SYN2: variants seen among roughly 807,000 people sequenced by gnomAD.
SYN2 encodes synapsin II.
SYN2 carries 19 observed loss-of-function variants against 50.9 expected under a neutral mutation model. That is an observed-to-expected ratio of 0.37 (90% confidence interval 0.26 to 0.55). The LOEUF (loss-of-function observed/expected upper bound fraction) is 0.55, where lower values mean the gene tolerates loss of function less well. SYN2 is among the 20% of genes least tolerant of loss of function. The pLI is 0.81. For synonymous variants in SYN2, 255 were observed against 224.9 expected, an observed-to-expected ratio of 1.13 and a Z score of -1.20; for missense variants, 587 against 576.4, an observed-to-expected ratio of 1.02 and a Z score of -0.19.
chr3:12,084,782 T>G (rs929089651), intron 1 of SYN2, among the ~76,000 whole-genome samples: 3 of 152,182 alleles, frequency 2.0e-5, no homozygotes, highest in African/African-American at 7.2e-5. Context: ...AGTAAAAGTT[T>G]AGAGTTTGTG....
intron 1 of SYN2, among the ~76,000 whole-genome samples, chr3:12,093,964 C>T (rs768128919): frequency 4.6e-5 from 7 of 150,608 alleles, no homozygotes; most frequent in Non-Finnish European, 5.9e-5. Context: ...TCAAGAGATT[C>T]TTCTGCCTCA....
intron 3 of SYN2, among the ~76,000 whole-genome samples, chr3:12,142,584 A>T (rs1697046335): frequency 6.6e-6 from 1 of 152,208 alleles, no homozygotes; most frequent in Admixed American, 6.5e-5. Context: ...ATTATTGAGC[A>T]CTTACATGCC....
At position 12,156,899 on chromosome 3, in the gene SYN2, C is replaced by A. The variant is rs199719951; in HGVS notation, c.775-4647C>A. On this transcript the variant is annotated intron_variant, in intron 5 of 12. Transcript: ENST00000621198. ...AAGAGTCAAAAGGCGTATAGATATA[C>A]TGAACATCCTTGACTTTCTCAAACC... 5.5e-5 allele frequency: 88 copies of A among 1,614,042 alleles called. No individual in the cohort carries two copies. The highest frequency in any genetic ancestry group is 1.6e-4 in the Middle Eastern group (1 of 6,084).
intron 5 of SYN2, chr3:12,157,305 G>T (rs1281644646): frequency 1.5e-6 from 2 of 1,375,826 alleles, no homozygotes; most frequent in Admixed American, 1.9e-5. Flanking sequence ...CCACCTGAAA[G>T]CTACCAGCCC....
intron 1 of SYN2, among the ~76,000 whole-genome samples, chr3:12,104,453 C>T (rs1200553695): frequency 3.3e-5 from 5 of 150,094 alleles, no homozygotes; most frequent in East Asian, 1.9e-4. Context: ...AGATATAGGA[C>T]ATTTGAGCAA....
intron 1 of SYN2, among the ~76,000 whole-genome samples, chr3:12,081,586 G>A (rs940032689): frequency 6.6e-6 from 1 of 152,052 alleles, no homozygotes; most frequent in African/African-American, 2.4e-5. Context: ...AATATGTTTT[G>A]TATGTTTCTG....
rs774609915 is a variant in SYN2, at chr3:12,145,790, C to T, written c.639C>T (p.Ile213=). 4 of 1,613,868 alleles carry T rather than the reference C, an allele frequency of 2.5e-6. No homozygotes were observed. The South Asian group carries it at 4.4e-5, about 18-fold the overall frequency. Residue 213 remains isoleucine, a synonymous_variant, in exon 4 of 13, where the codon ATC becomes ATT. Transcript: ENST00000621198. ...IGMQYAGLPS[I]NSLESIYNFC... The stretch of plus-strand genomic sequence containing the variant: ...TGCAGTATGCAGGCCTCCCCAGCAT[C>T]AACTCACTGGAATCCATATACAACT...
chr3:12,117,987 A>G (rs561410740), intron 1 of SYN2, among the ~76,000 whole-genome samples: 37 of 152,328 alleles, frequency 2.4e-4, no homozygotes, highest in African/African-American at 8.4e-4. Context: ...CTCAGAATTT[A>G]GTGAGGTTAG....
chr3:12,059,508 C>T (rs192029015), intron 1 of SYN2, among the ~76,000 whole-genome samples: 67 of 152,148 alleles, frequency 4.4e-4, no homozygotes, highest in Non-Finnish European at 6.8e-4. Context: ...AAACAAAGAA[C>T]GGTGGTCAGA....
chr3:12,184,018 A>G, intron 11 of SYN2: 3 of 986,144 alleles, frequency 3.0e-6, no homozygotes, highest in Non-Finnish European at 3.6e-6. Context: ...CTGAATTTGA[A>G]GGCATCCACC....
intron 11 of SYN2, chr3:12,183,832 A>C: frequency 9.7e-7 from 1 of 1,028,898 alleles, no homozygotes; most frequent in Non-Finnish European, 1.2e-6. Flanking sequence ...ACAAAAAGAA[A>C]ACCCAACTCC....
At chr3:12,081,747 C>T (rs957819913) in intron 1 of SYN2, among the ~76,000 whole-genome samples, 6 of 152,144 alleles carry the variant, frequency 3.9e-5, no homozygotes, top group Non-Finnish European at 8.8e-5. Flanking sequence ...CTCAGGTTTT[C>T]CCTGTGTTCA....
intron 1 of SYN2, among the ~76,000 whole-genome samples, chr3:12,127,387 C>T (rs945937161): frequency 2.0e-5 from 3 of 152,308 alleles, no homozygotes; most frequent in South Asian, 2.1e-4. Flanking sequence ...GCTTTCCCAC[C>T]GTGTGATCTT....
intron 1 of SYN2, among the ~76,000 whole-genome samples, chr3:12,039,151 A>G (rs1212420188): frequency 6.6e-6 from 1 of 152,144 alleles, no homozygotes; most frequent in Admixed American, 6.5e-5. Flanking sequence ...TTCTGTGTCT[A>G]TTGATACGAT....
At chr3:12,167,181 C>T in intron 7 of SYN2, 53 bp from the exon 8 acceptor site, 1 of 1,576,008 alleles carries the variant, frequency 6.3e-7, no homozygotes, top group Non-Finnish European at 8.7e-7. Context: ...GCATGCCCTC[C>T]TCTTGCTGGT....
chr3:12,089,849 AG>A (rs1224333564), intron 1 of SYN2, among the ~76,000 whole-genome samples: 1 of 152,124 alleles, frequency 6.6e-6, no homozygotes, highest in Non-Finnish European at 1.5e-5. Context: ...TTGTGGGTGT[AG>A]GGGGAAATCC....
chr3:12,150,165 G>T (rs1472324184), intron 4 of SYN2, among the ~76,000 whole-genome samples: 2 of 152,202 alleles, frequency 1.3e-5, no homozygotes, highest in African/African-American at 4.8e-5. Flanking sequence ...CTGATAAATA[G>T]ATTTCATCTA....
intron 1 of SYN2, among the ~76,000 whole-genome samples, chr3:12,067,599 C>A (rs1489319142): frequency 6.8e-6 from 1 of 147,490 alleles, no homozygotes; most frequent in Non-Finnish European, 1.5e-5. Context: ...AAGCTCCAGA[C>A]TCTCTTATCT....
chr3:12,115,790 C>A (rs1013008798), intron 1 of SYN2, among the ~76,000 whole-genome samples: 2 of 152,090 alleles, frequency 1.3e-5, no homozygotes, highest in Admixed American at 1.3e-4. Context: ...CCCCAGCACT[C>A]AGTACACTAT....
Sources: gnomAD v4.1 joint callset for allele counts (sites outside exome capture counted in the v4.1 genomes callset) on GRCh38, gnomAD v4.1.1 for gene constraint, MANE v1.5 for transcripts, NCBI Gene and HGNC (gene_info 2026-07-23, HGNC 2026-07-21) for gene names.